The following OR51B5 variants were observed in gnomAD, a reference collection of about 807,000 sequenced individuals.
OR51B5 encodes olfactory receptor family 51 subfamily B member 5.
For missense variants in OR51B5, 456 were observed against 374.6 expected (o/e 1.22, Z -1.79); for synonymous variants, 186 against 144.8 (o/e 1.28, Z -2.04).
chr11:5,445,281 T>G (rs577973585), intron 1 of OR51B5, among the ~76,000 whole-genome samples: 20 of 152,340 alleles, frequency 1.3e-4, no homozygotes, highest in African/African-American at 4.3e-4. Context: ...CAGATACATA[T>G]TCACATTCTC....
chr11:5,422,782 C>T (rs146457615), intron 1 of OR51B5: 1 of 1,614,198 alleles, frequency 6.2e-7, no homozygotes, highest in Non-Finnish European at 8.5e-7. Flanking sequence ...GTGCTGACAT[C>T]AGGCTCAACA....
At position 5,503,794 on chromosome 11, in the gene OR51B5, T is replaced by C. The variant is rs560232895; in HGVS notation, n.84+1775A>G. Among the ~76,000 whole-genome samples, 63 of 152,284 alleles carry C rather than the reference T, an allele frequency of 4.1e-4. 1 individual carries two copies. The Middle Eastern group carries it at 0.02, about 49-fold the overall frequency. On this transcript the variant is annotated intron_variant and non_coding_transcript_variant, in intron 1 of 4. Coordinates refer to the OR51B5 transcript ENST00000415970. ...CAGGACTCGGGGGTAAAAATTTCAA[T>C]ATCACAAATTCTGCCCTGCTCTACT...
intron 1 of OR51B5, among the ~76,000 whole-genome samples, chr11:5,400,835 G>C (rs1047145234): frequency 2.0e-5 from 3 of 152,210 alleles, no homozygotes; most frequent in Admixed American, 2.0e-4. Context: ...GCAGAGCAAA[G>C]AAGAACTTCA....
rs562810331 is a variant in OR51B5 at position 5,374,988 on chromosome 11, C to G, written n.85-28078G>C. ...GATTCAGGAAATACAGAGAACGCCA[C>G]AAACATACTCCTCGAGAAGAGCAAC... On this transcript the variant is annotated intron_variant and non_coding_transcript_variant, in intron 1 of 4. Transcript: ENST00000415970. 5.3e-3 allele frequency among the ~76,000 whole-genome samples: 804 copies of G among 151,754 alleles called. 5 individuals are homozygous for G. The highest frequency in any genetic ancestry group is 8.4e-3 in the Non-Finnish European group (574 of 67,940).
chr11:5,503,579 G>A (rs1305077758), intron 1 of OR51B5, among the ~76,000 whole-genome samples: 1 of 152,062 alleles, frequency 6.6e-6, no homozygotes, highest in Non-Finnish European at 1.5e-5. Context: ...AAGTGTACTT[G>A]GAAAAATAGA....
chr11:5,355,861 C>A (rs574099965), intron 1 of OR51B5, among the ~76,000 whole-genome samples: 79 of 152,048 alleles, frequency 5.2e-4, no homozygotes, highest in Non-Finnish European at 9.1e-4. Flanking sequence ...GTGACATAGG[C>A]GTCAATATAC....
intron 1 of OR51B5, chr11:5,403,390 G>A (rs540219483): frequency 5.3e-5 from 25 of 471,328 alleles, no homozygotes; most frequent in East Asian, 2.8e-4. Flanking sequence ...ATAGTGCACC[G>A]CCTTGGACAT....
chr11:5,461,112 G>T (rs1284299616), intron 1 of OR51B5, among the ~76,000 whole-genome samples: 3 of 152,178 alleles, frequency 2.0e-5, no homozygotes, highest in Non-Finnish European at 4.4e-5. Context: ...GCGTGTGAGG[G>T]TGCACAAGCG....
rs185290430 is a variant in OR51B5, at chr11:5,404,661, T to G, written n.85-57751A>C. 6.1e-4 allele frequency among the ~76,000 whole-genome samples: 93 copies of G among 152,332 alleles called. 3 individuals are homozygous for G. The East Asian group carries it at 0.017, about 28-fold the overall frequency. ...CTTGCACGCTGTGGAAGCTTTGTTC[T>G]TTTGCTCTTCACAATAAATCTTGTG... On this transcript the variant is annotated intron_variant and non_coding_transcript_variant, in intron 1 of 4. Transcript: ENST00000415970.
At chr11:5,353,835 G>A (rs1471245729) in intron 1 of OR51B5, among the ~76,000 whole-genome samples, 5 of 152,102 alleles carry the variant, frequency 3.3e-5, no homozygotes, top group African/African-American at 7.2e-5. Context: ...GGATTTTTTA[G>A]GATTCTTGGG....
upstream of OR51B5, chr11:5,345,818 G>GT (rs1344651561): frequency 7.8e-6 from 1 of 128,008 alleles, no homozygotes; most frequent in Non-Finnish European, 1.8e-5. Context: ...TTTCAGTGAA[G>GT]AGATGCCAGA....
intron 1 of OR51B5, chr11:5,402,811 C>A (rs114782317): frequency 0.011 from 5,053 of 471,636 alleles, 186 homozygotes; most frequent in African/African-American, 0.085. Flanking sequence ...TTGGCACTGG[C>A]CGAGGTTCGT....
intron 1 of OR51B5, chr11:5,422,515 C>T (rs1564808440): frequency 1.9e-6 from 3 of 1,614,136 alleles, no homozygotes; most frequent in Non-Finnish European, 2.5e-6. Context: ...AGTTTTTCTT[C>T]CTTCATGGAT....
intron 1 of OR51B5, among the ~76,000 whole-genome samples, chr11:5,349,056 T>C (rs759679404): frequency 6.6e-6 from 1 of 152,134 alleles, no homozygotes; most frequent in Non-Finnish European, 1.5e-5. Flanking sequence ...GTTTGAGACT[T>C]TGAGAATTAG....
intron 1 of OR51B5, chr11:5,488,664 A>G (rs370411933): frequency 8.6e-6 from 11 of 1,286,462 alleles, no homozygotes; most frequent in Middle Eastern, 3.8e-4. Context: ...CAGGGCAAGC[A>G]TAACAATACT....
chr11:5,452,463 C>G (rs1334015677), intron 1 of OR51B5, among the ~76,000 whole-genome samples: 1 of 123,322 alleles, frequency 8.1e-6, no homozygotes, highest in Non-Finnish European at 1.6e-5. Context: ...CGAGATTGCA[C>G]CACTGCACTC....
intron 1 of OR51B5, among the ~76,000 whole-genome samples, chr11:5,475,161 T>G (rs1453218361): frequency 6.6e-6 from 1 of 152,198 alleles, no homozygotes; most frequent in Admixed American, 6.5e-5. Context: ...CTTAATGGAC[T>G]TCCCCACATT....
intron 1 of OR51B5, among the ~76,000 whole-genome samples, chr11:5,375,153 G>A (rs1849504529): frequency 1.4e-5 from 2 of 147,444 alleles, no homozygotes; most frequent in Admixed American, 1.4e-4. Flanking sequence ...AACTCTACAA[G>A]CCAGAAGAGA....
chr11:5,472,247 G>A (rs181570094), intron 1 of OR51B5, among the ~76,000 whole-genome samples: 75 of 152,144 alleles, frequency 4.9e-4, no homozygotes, highest in African/African-American at 1.8e-3. Flanking sequence ...ATGGAGTGTA[G>A]GAAAATAAAA....
Sources: gnomAD v4.1 joint callset for allele counts (sites outside exome capture counted in the v4.1 genomes callset) on GRCh38, gnomAD v4.1.1 for gene constraint, MANE v1.5 for transcripts, NCBI Gene and HGNC (gene_info 2026-07-23, HGNC 2026-07-21) for gene names.